Variants in AOAH observed in about 807,000 individuals in gnomAD.
AOAH encodes the protein acyloxyacyl hydrolase, also known as acyloxyacyl hydrolase (neutrophil).
Under a neutral mutation model 92.2 loss-of-function variants are expected in AOAH, and 64 were observed. The observed-to-expected ratio is 0.69, with a 90% CI of 0.57 to 0.86. The LOEUF is 0.86. Among genes scored for constraint, AOAH ranks in the 40% least tolerant of loss-of-function variants. The pLI is 0.00. For synonymous variants in AOAH, 263 were observed against 254.5 expected, an observed-to-expected ratio of 1.03 and a Z score of -0.32; for missense variants, 656 against 694.6, an observed-to-expected ratio of 0.94 and a Z score of 0.62.
chr7:36,687,275 G>A (rs1210356101), intron 1 of AOAH, among the ~76,000 whole-genome samples: 1 of 152,158 alleles, frequency 6.6e-6, no homozygotes, highest in African/African-American at 2.4e-5. Context: ...ATGGTTAAAT[G>A]AGATAAAAGT....
intron 1 of AOAH, among the ~76,000 whole-genome samples, chr7:36,723,583 G>A (rs1799786032): frequency 6.6e-6 from 1 of 152,192 alleles, no homozygotes; most frequent in Non-Finnish European, 1.5e-5. Flanking sequence ...TAAGGACACA[G>A]AAGCATGGAG....
At chr7:36,566,188 T>C (rs1003309410) in intron 13 of AOAH, among the ~76,000 whole-genome samples, 15 of 151,156 alleles carry the variant, frequency 9.9e-5, no homozygotes, top group African/African-American at 3.4e-4. Context: ...TTGGCAAGAA[T>C]ACAATAGCAG....
intron 13 of AOAH, among the ~76,000 whole-genome samples, chr7:36,559,900 A>C (rs1337227824): frequency 6.6e-6 from 1 of 152,122 alleles, no homozygotes; most frequent in Non-Finnish European, 1.5e-5. Flanking sequence ...CATTTGAGTC[A>C]ATTTTTGTAT....
chr7:36,555,780 T>C (rs1231716411), intron 13 of AOAH, among the ~76,000 whole-genome samples: 2 of 152,198 alleles, frequency 1.3e-5, no homozygotes, highest in Non-Finnish European at 2.9e-5. Flanking sequence ...CGTAGAGGTG[T>C]TTGTAGTAAT....
chr7:36,573,183 T>C (rs1439010480), intron 13 of AOAH, among the ~76,000 whole-genome samples: 1 of 152,194 alleles, frequency 6.6e-6, no homozygotes, highest in African/African-American at 2.4e-5. Flanking sequence ...AGGGCCCTAT[T>C]TTCCATCTTA....
chr7:36,711,863 G>C (rs1798790555), intron 1 of AOAH, among the ~76,000 whole-genome samples: 1 of 152,158 alleles, frequency 6.6e-6, no homozygotes, highest in Non-Finnish European at 1.5e-5. Flanking sequence ...TCTTAGGGCT[G>C]AGGACAGAGA....
intron 6 of AOAH, among the ~76,000 whole-genome samples, chr7:36,631,765 G>T (rs1465608860): frequency 6.6e-6 from 1 of 152,178 alleles, no homozygotes; most frequent in Non-Finnish European, 1.5e-5. Flanking sequence ...GCAGGCACTT[G>T]CCGGCAGTGA....
chr7:36,543,813 T>G lies in AOAH; in HGVS notation c.1134-3322A>C, dbSNP rs1362243049. 2.0e-5 allele frequency among the ~76,000 whole-genome samples: 3 copies of G among 152,092 alleles called. No homozygotes were observed. The East Asian group carries it at 5.8e-4, about 29-fold the overall frequency. Reference sequence around the variant, plus strand: ...AATTTGCATAGCAAAATCAACCAACTCTTAGCTCAGGTAAGGGCAAGGGAG... The same window carrying G: ...AATTTGCATAGCAAAATCAACCAACGCTTAGCTCAGGTAAGGGCAAGGGAG... On this transcript the variant is annotated intron_variant, in intron 15 of 20. Transcript: ENST00000617537.
At chr7:36,666,647 G>A (rs1197480454) in intron 3 of AOAH, among the ~76,000 whole-genome samples, 2 of 151,824 alleles carry the variant, frequency 1.3e-5, no homozygotes, top group Non-Finnish European at 2.9e-5. Context: ...AGTTTCTTAA[G>A]GTAGAAGCTT....
In AOAH at chr7:36,677,966, G is replaced by A. The variant is rs546218522; in HGVS notation, c.224-3957C>T. On this transcript the variant is annotated intron_variant, in intron 2 of 20. Coordinates refer to ENST00000617537, the MANE Select transcript of AOAH (RefSeq NM_001637.4). ...CTGGAAAGAGTGGGTGTTTGGGGGC[G>A]GATGCTAAAAGGCATGTAGTTTCTT... 1.3e-4 allele frequency among the ~76,000 whole-genome samples: 20 copies of A among 152,122 alleles called. No homozygotes were observed. The South Asian group carries it at 2.3e-3, about 17-fold the overall frequency.
intron 1 of AOAH, among the ~76,000 whole-genome samples, chr7:36,713,965 C>A (rs1211201092): frequency 3.3e-5 from 5 of 151,932 alleles, no homozygotes; most frequent in East Asian, 1.9e-4. Context: ...AAGGCAAGAA[C>A]TAACTAAGAT....
rs534132337 is a variant in AOAH, at chr7:36,720,193, A to G, written c.127+3829T>C. Among the ~76,000 whole-genome samples, 51 of 151,692 alleles carry G rather than the reference A, an allele frequency of 3.4e-4. 1 individual carries two copies. In the South Asian group the frequency reaches 3.8e-3, roughly 11 times the overall value. ...GAGATGGAGTCTCGCTCTGTCGCCC[A>G]GGCTGGAGCGTGGTGATGTGATCTC... On this transcript the variant is annotated intron_variant, in intron 1 of 20. Transcript: ENST00000617537.
intron 11 of AOAH, among the ~76,000 whole-genome samples, chr7:36,613,265 G>C (rs958876483): frequency 3.3e-5 from 5 of 152,142 alleles, no homozygotes; most frequent in Admixed American, 1.3e-4. Context: ...GAAATTTAGT[G>C]TTTAGTGATA....
At chr7:36,611,245 C>T (rs1310322257) in intron 11 of AOAH, among the ~76,000 whole-genome samples, 1 of 152,112 alleles carries the variant, frequency 6.6e-6, no homozygotes, top group African/African-American at 2.4e-5. Flanking sequence ...CAAAATGATG[C>T]TGAAACTGTA....
chr7:36,668,674 A>C (rs1795713579), intron 3 of AOAH, among the ~76,000 whole-genome samples: 2 of 152,268 alleles, frequency 1.3e-5, no homozygotes, highest in South Asian at 4.1e-4. Context: ...TCTAGTAGAG[A>C]CGGGGTTTCA....
intron 13 of AOAH, among the ~76,000 whole-genome samples, chr7:36,552,308 C>T (rs4723542): frequency 0.95 from 144,394 of 152,236 alleles, 68,931 homozygotes; most frequent in East Asian, 1. Flanking sequence ...TCCAGCTCCA[C>T]CCATGTCCCT....
At chr7:36,619,674 A>C (rs561423245) in intron 9 of AOAH, among the ~76,000 whole-genome samples, 1 of 152,242 alleles carries the variant, frequency 6.6e-6, no homozygotes, top group African/African-American at 2.4e-5. Context: ...CATGCTTTCC[A>C]TATCCTAGAG....
chr7:36,686,958 A>G (rs1797065652), intron 1 of AOAH, among the ~76,000 whole-genome samples, 164 bp from the exon 2 acceptor site: 1 of 152,122 alleles, frequency 6.6e-6, no homozygotes, highest in African/African-American at 2.4e-5. Context: ...GAGATAGTGC[A>G]AGGAAAACAG....
At chr7:36,529,911 G>A (rs1678277866) in intron 19 of AOAH, among the ~76,000 whole-genome samples, 1 of 152,226 alleles carries the variant, frequency 6.6e-6, no homozygotes, top group African/African-American at 2.4e-5. Context: ...GTTGGGACAT[G>A]GGTTGATCAC....
Sources: allele counts gnomAD v4.1 joint callset (sites outside exome capture counted in the v4.1 genomes callset), GRCh38; gene constraint gnomAD v4.1.1; transcripts MANE v1.5; gene names NCBI Gene and HGNC (gene_info 2026-07-23, HGNC 2026-07-21).